The following FAM184A variants were observed in gnomAD, a reference collection of about 807,000 sequenced individuals.
FAM184A encodes the protein family with sequence similarity 184 member A, also known as protein FAM184A.
In FAM184A, 99 loss-of-function variants were observed where a neutral mutation model predicts 143.8. The observed-to-expected ratio is 0.69, with a 90% confidence interval of 0.58 to 0.81. The LOEUF is 0.81. FAM184A is among the 40% of genes least tolerant of loss of function. The pLI is 0.00. For synonymous variants in FAM184A, 427 were observed against 446.4 expected (o/e 0.96, Z 0.55); for missense variants, 1,217 against 1,310.5 (o/e 0.93, Z 1.10).
In FAM184A at chr6:119,024,778, A is replaced by C. The variant is rs752147684; in HGVS notation, c.195T>G (p.His65Gln). ...CTTTGAGGGCTTGAATTGCAGATTC[A>C]TGCTCATCATTTTTAGTGTTTAAAG... ...IYALNTKNDE[H>Q]ESAIQALKDA... is the part of the protein sequence containing the mutation. The change falls in exon 2 of 18, where the codon CAT becomes CAG. Residue 65 changes from histidine (H) to glutamine (Q), a missense_variant. Physicochemically the swap from His to Gln is conservative, Grantham distance 24. Transcript: ENST00000338891. The C allele has an allele frequency of 6.2e-7, 1 of 1,611,108 alleles. No homozygotes were observed. The highest frequency in any genetic ancestry group is 1.7e-5 in the Admixed American group (1 of 59,470).
At chr6:119,099,882 C>T (rs12198124) in intron 1 of FAM184A, among the ~76,000 whole-genome samples, 8,386 of 152,154 alleles carry the variant, frequency 0.055, 395 homozygotes, top group East Asian at 0.23. Context: ...ATCCTGTGAG[C>T]GACTCTAGCA....
chr6:119,011,854 A>G (rs1785101829), intron 5 of FAM184A, among the ~76,000 whole-genome samples: 1 of 152,212 alleles, frequency 6.6e-6, no homozygotes, highest in Admixed American at 6.5e-5. Context: ...GTATAAAATG[A>G]AGGCAAATTA....
Position 119,026,574 on chromosome 6 carries a change from G to A in FAM184A, c.160-1761C>T, listed in dbSNP as rs115545540. 3.1e-3 allele frequency among the ~76,000 whole-genome samples: 470 copies of A among 152,272 alleles called. 4 individuals carry two copies. Among genetic ancestry groups the A allele is most frequent in the African/African-American group, 0.011 (457 of 41,558 alleles). On this transcript the variant is annotated intron_variant, in intron 1 of 17. Coordinates refer to ENST00000338891, the MANE Select transcript of FAM184A (RefSeq NM_024581.6). ...AATAGTTTAGGCCATGACTGAAAGG[G>A]AGGGGTCAGACATGCCTCATTATGG...
Position 119,132,980 on chromosome 6 carries a change from A to G in FAM184A, c.-202+16098T>C, listed in dbSNP as rs187870663. Among the ~76,000 whole-genome samples the G allele has an allele frequency of 4.6e-5, 7 of 152,358 alleles. No individual in the cohort carries two copies. The East Asian group carries it at 1.3e-3, about 29-fold the overall frequency. On this transcript the variant is annotated intron_variant, in intron 1 of 16. Coordinates refer to the FAM184A transcript ENST00000352896. The stretch of plus-strand genomic sequence containing the variant: ...GTGAAATCAGGCAAAGAGCGAAATC[A>G]GATAGGATTTGTTCATAAATACTAC...
At chr6:119,124,487 T>A (rs1582636798) in intron 1 of FAM184A, among the ~76,000 whole-genome samples, 1 of 152,162 alleles carries the variant, frequency 6.6e-6, no homozygotes, top group Admixed American at 6.5e-5. Flanking sequence ...ATTATAATTT[T>A]AAAAATCTAC....
chr6:119,014,288 G>A (rs984703822), intron 5 of FAM184A, among the ~76,000 whole-genome samples: 9 of 152,182 alleles, frequency 5.9e-5, no homozygotes, highest in Non-Finnish European at 1.0e-4. Context: ...CTTAATCCTC[G>A]AAGGAACATT....
intron 1 of FAM184A, among the ~76,000 whole-genome samples, chr6:119,077,932 A>C (rs978199734): frequency 3.9e-5 from 6 of 152,240 alleles, no homozygotes; most frequent in African/African-American, 1.4e-4. Context: ...CCTTACGCGC[A>C]CCGTGCCGCT....
In FAM184A at chr6:119,029,158, C is replaced by G. The variant is rs556399482; in HGVS notation, c.160-4345G>C. ...CTTTCCAAGGCTGGTCAGTCCTAGC[C>G]ACAAGGAAGGAAAAGAGAATTCAAC... is the stretch of plus-strand genomic sequence containing the variant. On this transcript the variant is annotated intron_variant, in intron 1 of 17. Coordinates refer to ENST00000338891, the MANE Select transcript of FAM184A (RefSeq NM_024581.6). Among the ~76,000 whole-genome samples, 106 of 152,256 alleles carry G rather than the reference C, an allele frequency of 7.0e-4. 2 individuals are homozygous for G. Among genetic ancestry groups the G allele is most frequent in the African/African-American group, 2.5e-3 (103 of 41,546 alleles).
At chr6:119,127,979 C>T (rs1210752758) in intron 1 of FAM184A, among the ~76,000 whole-genome samples, 4 of 152,158 alleles carry the variant, frequency 2.6e-5, no homozygotes, top group Non-Finnish European at 5.9e-5. Context: ...CCCTGCTTGG[C>T]CCAGGAGATC....
intron 5 of FAM184A, among the ~76,000 whole-genome samples, chr6:119,014,509 T>A (rs1318561898): frequency 6.6e-6 from 1 of 152,162 alleles, no homozygotes; most frequent in Non-Finnish European, 1.5e-5. Flanking sequence ...AAAACATAAA[T>A]CATTTTCTCA....
At chr6:119,146,397 C>CGTGT (rs60937351) in intron 1 of FAM184A, among the ~76,000 whole-genome samples, 12,604 of 136,230 alleles carry the variant, frequency 0.093, 769 homozygotes, top group African/African-American at 0.17. Flanking sequence ...GATTAACTTA[C>CGTGT]GTGTGTGTGT....
intron 1 of FAM184A, among the ~76,000 whole-genome samples, chr6:119,025,906 G>C (rs1348140200): frequency 6.6e-6 from 1 of 152,294 alleles, no homozygotes; most frequent in East Asian, 1.9e-4. Flanking sequence ...GCCATTTTTT[G>C]TAGAGAAATT....
chr6:119,076,819 A>T (rs1787888968), intron 1 of FAM184A, among the ~76,000 whole-genome samples: 2 of 152,222 alleles, frequency 1.3e-5, no homozygotes, highest in African/African-American at 4.8e-5. Flanking sequence ...ATGATACACT[A>T]CTATCATTCC....
At chr6:119,101,245 T>A (rs995242215) in intron 1 of FAM184A, among the ~76,000 whole-genome samples, 3 of 151,748 alleles carry the variant, frequency 2.0e-5, no homozygotes, top group Middle Eastern at 6.8e-3. Flanking sequence ...TTTTTTTGTA[T>A]TTTTTTAGTA....
chr6:119,085,287 G>T (rs77302116), intron 1 of FAM184A, among the ~76,000 whole-genome samples: 2,134 of 152,156 alleles, frequency 0.014, 24 homozygotes, highest in South Asian at 0.026. Context: ...CATCTTGAAC[G>T]CTTTGCTGTT....
chr6:119,130,027 C>T (rs1014467334), intron 1 of FAM184A, among the ~76,000 whole-genome samples: 1 of 146,830 alleles, frequency 6.8e-6, no homozygotes, highest in Non-Finnish European at 1.5e-5. Context: ...CAAACAGAGG[C>T]TCGCAAGGTT....
At position 118,961,751 on chromosome 6, in the gene FAM184A, C is replaced by A; in HGVS notation, c.3341+10G>T. The A allele has an allele frequency of 1.2e-6, 2 of 1,609,516 alleles. No homozygotes were observed. Among genetic ancestry groups the A allele is most frequent in the Non-Finnish European group, 1.7e-6 (2 of 1,176,486 alleles). Reference sequence around the variant, plus strand: ...AGAAAAGAAAAAAACATTGGTGAGACGGGTCTCACCTCAAAAATGTCTTGG... The same window carrying A: ...AGAAAAGAAAAAAACATTGGTGAGAAGGGTCTCACCTCAAAAATGTCTTGG... On this transcript the variant is annotated intron_variant, in intron 17 of 17. Transcript: ENST00000338891.
At chr6:118,978,010 C>T (rs1017945942) in intron 11 of FAM184A, among the ~76,000 whole-genome samples, 39 of 152,232 alleles carry the variant, frequency 2.6e-4, no homozygotes, top group Non-Finnish European at 1.9e-4. Context: ...GTTGCCCAGG[C>T]TGGAATGCAA....
chr6:119,082,220 TC>T (rs1211559515), upstream of FAM184A, among the ~76,000 whole-genome samples: 5 of 152,192 alleles, frequency 3.3e-5, no homozygotes, highest in Non-Finnish European at 7.3e-5. Context: ...CACAGTCACC[TC>T]CCAGCAGGTC....
Sources: gnomAD v4.1 joint callset for allele counts (sites outside exome capture counted in the v4.1 genomes callset) on GRCh38, gnomAD v4.1.1 for gene constraint, MANE v1.5 for transcripts, NCBI Gene and HGNC (gene_info 2026-07-23, HGNC 2026-07-21) for gene names.